The following RGS7 variants were observed in gnomAD, a reference collection of about 807,000 sequenced individuals.
RGS7 encodes the protein regulator of G protein signaling 7, also known as regulator of G-protein signaling 7.
RGS7 carries 27 observed loss-of-function variants against 81.1 expected under a neutral mutation model. That is an observed-to-expected ratio of 0.33 (90% CI 0.25 to 0.46). The LOEUF (loss-of-function observed/expected upper bound fraction) is 0.46, where lower values mean the gene tolerates loss of function less well. Ranked by LOEUF, RGS7 falls within the 20% of genes least tolerant of loss-of-function variation. RGS7 has a pLI of 1.00. For synonymous variants in RGS7, 208 were observed against 207.7 expected (o/e 1.00, Z -0.01); for missense variants, 396 against 607.4 (o/e 0.65, Z 3.66).
intron 4 of RGS7, among the ~76,000 whole-genome samples, chr1:240,960,407 C>G (rs962137781): frequency 3.3e-5 from 5 of 150,588 alleles, no homozygotes; most frequent in African/African-American, 1.2e-4. Flanking sequence ...CCATGCCCAG[C>G]TAATTTTTGT....
chr1:241,131,703 T>TG (rs2067114960), intron 2 of RGS7, among the ~76,000 whole-genome samples: 1 of 152,190 alleles, frequency 6.6e-6, no homozygotes, highest in Non-Finnish European at 1.5e-5. Context: ...TCCTCTTTCC[T>TG]TTTTACTATT....
chr1:241,084,873 T>C (rs559161749), intron 3 of RGS7, among the ~76,000 whole-genome samples: 184 of 152,370 alleles, frequency 1.2e-3, no homozygotes, highest in Non-Finnish European at 2.0e-3. Context: ...TTCTTCCCTA[T>C]TAACAGTGCT....
chr1:240,869,904 C>T, intron 7 of RGS7, 151 bp downstream of exon 7: 1 of 746,458 alleles, frequency 1.3e-6, no homozygotes. Context: ...CGTGCCACTG[C>T]ACTCTAGCCT....
chr1:240,777,600 A>G (rs1356081309), intron 18 of RGS7, among the ~76,000 whole-genome samples: 1 of 152,154 alleles, frequency 6.6e-6, no homozygotes, highest in Non-Finnish European at 1.5e-5. Context: ...AAAACGATAG[A>G]CTAAGTGGCT....
intron 18 of RGS7, among the ~76,000 whole-genome samples, chr1:240,789,456 G>A (rs1685605066): frequency 6.6e-6 from 1 of 152,332 alleles, no homozygotes; most frequent in Admixed American, 6.5e-5. Flanking sequence ...GCAGAACAGA[G>A]CCATATTTCT....
At chr1:241,156,581 G>A (rs1367112831) in intron 2 of RGS7, among the ~76,000 whole-genome samples, 1 of 146,282 alleles carries the variant, frequency 6.8e-6, no homozygotes, top group Non-Finnish European at 1.5e-5. Flanking sequence ...AAAGGGGAGA[G>A]GAGGGGAGGG....
At chr1:240,824,752 G>A (rs1418905398) in intron 10 of RGS7, among the ~76,000 whole-genome samples, 1 of 152,188 alleles carries the variant, frequency 6.6e-6, no homozygotes, top group African/African-American at 2.4e-5. Context: ...AGCTATATTT[G>A]GAGATCAGGC....
chr1:240,802,990 G>T lies in RGS7; in HGVS notation c.1273C>A (p.His425Asn). The T allele has an allele frequency of 6.2e-7, 1 of 1,601,208 alleles. No homozygotes were observed. The highest frequency in any genetic ancestry group is 8.6e-7 in the Non-Finnish European group (1 of 1,168,474). ...GRYTFEDAQE[H>N]IYKLMKSDSY... ...TCACTTTTCATCAGTTTGTAAATGT[G>T]CTCCTAAAAAGAAATAATGGTTGAG... Residue 425 changes from histidine to asparagine, a missense_variant, in exon 16 of 19, where the codon CAC becomes AAC. By Grantham distance (68) the His-to-Asn change is moderately conservative. Coordinates refer to ENST00000440928, the MANE Select transcript of RGS7 (RefSeq NM_001364886.1).
At chr1:240,918,566 T>C (rs1286840146) in intron 6 of RGS7, among the ~76,000 whole-genome samples, 2 of 152,094 alleles carry the variant, frequency 1.3e-5, no homozygotes, top group Non-Finnish European at 2.9e-5. Context: ...TGAAAATACA[T>C]GTTATCAAAA....
chr1:241,255,178 T>C (rs1243236194), intron 2 of RGS7, among the ~76,000 whole-genome samples: 1 of 152,172 alleles, frequency 6.6e-6, no homozygotes, highest in Non-Finnish European at 1.5e-5. Context: ...GAGTGATAAA[T>C]GTGAAATAGT....
chr1:240,852,532 T>C (rs1660298427), intron 9 of RGS7, among the ~76,000 whole-genome samples: 1 of 152,178 alleles, frequency 6.6e-6, no homozygotes, highest in South Asian at 2.1e-4. Context: ...GTGATTATTA[T>C]ATGGTAATTT....
chr1:241,143,680 G>GTTTCCTTGCTTTAATTC (rs2068091105), intron 2 of RGS7, among the ~76,000 whole-genome samples: 1 of 152,190 alleles, frequency 6.6e-6, no homozygotes, highest in Non-Finnish European at 1.5e-5. Flanking sequence ...AAGGAGGGAT[G>GTTTCCTTGCTTTAATTC]TACCTTTAGT....
intron 2 of RGS7, among the ~76,000 whole-genome samples, chr1:241,347,437 T>C (rs940515213): frequency 3.3e-5 from 5 of 152,194 alleles, no homozygotes; most frequent in African/African-American, 1.2e-4. Context: ...GTTCAGAGAC[T>C]TAGACAAGAG....
intron 18 of RGS7, among the ~76,000 whole-genome samples, chr1:240,783,376 C>T (rs1684453052): frequency 6.6e-6 from 1 of 151,778 alleles, no homozygotes; most frequent in African/African-American, 2.4e-5. Flanking sequence ...AAACATAGTA[C>T]CTTGGGAGAC....
chr1:241,302,153 T>A (rs1558292155), intron 2 of RGS7, among the ~76,000 whole-genome samples: 1 of 152,150 alleles, frequency 6.6e-6, no homozygotes, highest in Non-Finnish European at 1.5e-5. Flanking sequence ...GCAGCCAGCG[T>A]AGAGGCCCTG....
At chr1:241,304,664 T>C (rs1323622049) in intron 2 of RGS7, among the ~76,000 whole-genome samples, 2 of 152,234 alleles carry the variant, frequency 1.3e-5, no homozygotes, top group African/African-American at 2.4e-5. Flanking sequence ...CTGAGTTATA[T>C]ACTTAATGCT....
intron 4 of RGS7, among the ~76,000 whole-genome samples, chr1:240,952,938 A>C (rs1319906348): frequency 6.6e-6 from 1 of 151,948 alleles, no homozygotes; most frequent in Non-Finnish European, 1.5e-5. Flanking sequence ...CATAACAAGC[A>C]AGTTTATCAG....
chr1:240,872,085 G>A (rs1369369162), intron 6 of RGS7, among the ~76,000 whole-genome samples: 1 of 152,116 alleles, frequency 6.6e-6, no homozygotes, highest in Non-Finnish European at 1.5e-5. Context: ...TAATACAGGT[G>A]TCCTATGATG....
chr1:241,254,621 C>T (rs535463838), intron 2 of RGS7, among the ~76,000 whole-genome samples: 13 of 152,222 alleles, frequency 8.5e-5, no homozygotes, highest in Admixed American at 2.6e-4. Flanking sequence ...TCGGGGATAA[C>T]GGTTTCAACA....
Sources: allele counts gnomAD v4.1 joint callset (sites outside exome capture counted in the v4.1 genomes callset), GRCh38; gene constraint gnomAD v4.1.1; transcripts MANE v1.5; gene names NCBI Gene and HGNC (gene_info 2026-07-23, HGNC 2026-07-21).